Variants in ZMYM2 observed in about 807,000 individuals in gnomAD.
ZMYM2 encodes the protein zinc finger MYM-type containing 2.
A neutral mutation model predicts 162.8 loss-of-function variants in ZMYM2; 56 were observed. The ratio of observed to expected loss-of-function variants is 0.34; its 90% CI spans 0.28 to 0.43. ZMYM2 has a LOEUF of 0.43. ZMYM2 is among the 20% of genes least tolerant of loss of function. ZMYM2 has a pLI of 1.00. For missense variants in ZMYM2, 1,275 were observed against 1,621.8 expected, an observed-to-expected ratio of 0.79 and a Z score of 3.67; for synonymous variants, 510 against 541.6, an observed-to-expected ratio of 0.94 and a Z score of 0.81.
chr13:19,998,277 TA>T (rs1451857401), intron 3 of ZMYM2, among the ~76,000 whole-genome samples: 4 of 152,190 alleles, frequency 2.6e-5, no homozygotes, highest in Non-Finnish European at 4.4e-5. Flanking sequence ...TTTCTATTCC[TA>T]AAAAATTTTT....
chr13:20,032,606 T>C (rs1953287698), intron 10 of ZMYM2, among the ~76,000 whole-genome samples: 1 of 121,370 alleles, frequency 8.2e-6, no homozygotes. Context: ...TGTCTTTTTT[T>C]TTTTTTTTTT....
intron 6 of ZMYM2, among the ~76,000 whole-genome samples, chr13:20,012,867 T>G (rs1316053309): frequency 6.6e-6 from 1 of 152,244 alleles, no homozygotes; most frequent in Non-Finnish European, 1.5e-5. Flanking sequence ...TGTATCTTTG[T>G]AGTAAGTTTT....
the ZMYM2 span, among the ~76,000 whole-genome samples, chr13:19,941,020 A>G: frequency 2.6e-5 from 4 of 152,202 alleles, no homozygotes; most frequent in Non-Finnish European, 5.9e-5. Context: ...TAGTTAAGAC[A>G]AAAACTTGGC....
At chr13:19,880,590 G>A in the ZMYM2 span, among the ~76,000 whole-genome samples, 3 of 151,224 alleles carry the variant, frequency 2.0e-5, no homozygotes, top group Non-Finnish European at 3.0e-5. Flanking sequence ...CGCCACGCCC[G>A]GCTAATTTTT....
the ZMYM2 span, among the ~76,000 whole-genome samples, chr13:19,877,543 G>A: frequency 1.3e-5 from 2 of 152,196 alleles, no homozygotes; most frequent in African/African-American, 4.8e-5. Flanking sequence ...CTTCCCACTA[G>A]GCTCTGTCTT....
intron 6 of ZMYM2, among the ~76,000 whole-genome samples, chr13:20,011,969 C>G (rs1258703875): frequency 6.6e-6 from 1 of 152,066 alleles, no homozygotes; most frequent in Non-Finnish European, 1.5e-5. Flanking sequence ...AAGCTGGTTT[C>G]AAACTCCTGA....
At chr13:19,884,398 A>AC in the ZMYM2 span, among the ~76,000 whole-genome samples, 1 of 151,864 alleles carries the variant, frequency 6.6e-6, no homozygotes, top group Non-Finnish European at 1.5e-5. Flanking sequence ...ACACAGTATA[A>AC]CCCCCATCTA....
At chr13:20,027,098 AAT>A (rs1241562955) in intron 8 of ZMYM2, 103 bp from the exon 9 acceptor site, 2 of 775,784 alleles carry the variant, frequency 2.6e-6, no homozygotes, top group African/African-American at 1.8e-5. Flanking sequence ...TGCAAATAAT[AAT>A]AGTTTATTTT....
chr13:20,012,078 G>T (rs1951242894), intron 6 of ZMYM2, among the ~76,000 whole-genome samples: 1 of 151,942 alleles, frequency 6.6e-6, no homozygotes, highest in African/African-American at 2.4e-5. Flanking sequence ...TAGAGATGGG[G>T]TTCCACCATG....
At chr13:19,904,345 T>A in the ZMYM2 span, among the ~76,000 whole-genome samples, 1 of 151,676 alleles carries the variant, frequency 6.6e-6, no homozygotes, top group East Asian at 1.9e-4. Context: ...TCACATGAGG[T>A]CCGGAGTTCG....
chr13:19,941,712 GCTTT>G, the ZMYM2 span, among the ~76,000 whole-genome samples: 1 of 127,236 alleles, frequency 7.9e-6, no homozygotes, highest in Non-Finnish European at 1.6e-5. Context: ...CGGGCAAATG[GCTTT>G]CTGCTTTTTT....
intron 3 of ZMYM2, among the ~76,000 whole-genome samples, chr13:19,997,889 A>G (rs1950134005): frequency 6.6e-6 from 1 of 152,084 alleles, no homozygotes; most frequent in Non-Finnish European, 1.5e-5. Context: ...AAATTTGTCT[A>G]TTTTGTATTT....
At chr13:20,081,324 A>G (rs528629399) in intron 21 of ZMYM2, among the ~76,000 whole-genome samples, 1 of 152,158 alleles carries the variant, frequency 6.6e-6, no homozygotes, top group Non-Finnish European at 1.5e-5. Flanking sequence ...CTTGCCTTCC[A>G]TTCTTTGTGC....
At chr13:19,986,167 A>G (rs1479825589) in intron 2 of ZMYM2, among the ~76,000 whole-genome samples, 1 of 151,908 alleles carries the variant, frequency 6.6e-6, no homozygotes, top group East Asian at 1.9e-4. Flanking sequence ...ACTGCTCTCC[A>G]GCCTAGGCAA....
chr13:19,918,153 C>A, the ZMYM2 span, among the ~76,000 whole-genome samples: 1 of 152,190 alleles, frequency 6.6e-6, no homozygotes, highest in South Asian at 2.1e-4. Flanking sequence ...AATTTTAAAA[C>A]CTTTTTATTG....
chr13:19,984,288 A>G (rs2139562742), intron 2 of ZMYM2, among the ~76,000 whole-genome samples: 1 of 152,300 alleles, frequency 6.6e-6, no homozygotes, highest in Middle Eastern at 3.4e-3. Flanking sequence ...ATTAATTCTC[A>G]CTGAATCAAA....
the ZMYM2 span, among the ~76,000 whole-genome samples, chr13:19,889,879 G>A: frequency 1.3e-5 from 2 of 151,374 alleles, no homozygotes; most frequent in African/African-American, 4.9e-5. Context: ...TAGCTATTGA[G>A]CAGTCATTGT....
chr13:20,035,906 A>G (rs555562954), intron 11 of ZMYM2, among the ~76,000 whole-genome samples: 1 of 152,330 alleles, frequency 6.6e-6, no homozygotes, highest in South Asian at 2.1e-4. Context: ...TCAAGGTAAC[A>G]GAAGTCATAG....
rs1277095924 is a variant in ZMYM2, at chr13:20,086,487, G to C, written c.*473G>C. On this transcript the variant is annotated 3_prime_UTR_variant, in exon 25 of 25. Coordinates refer to ENST00000610343, the MANE Select transcript of ZMYM2 (RefSeq NM_197968.4). ...TTTAAAATAAACTGTAAACTAATAG[G>C]CTGGGGTTTTTGTTTTGTTTTGGGG... 1 of 219,392 alleles carries C rather than the reference G, an allele frequency of 4.6e-6. No individual in the cohort carries two copies. Among genetic ancestry groups the C allele is most frequent in the Non-Finnish European group, 9.2e-6 (1 of 109,182 alleles). 13.6% of individuals were successfully genotyped at this position (219,392 alleles called of 1,614,324 possible).
Sources: allele counts gnomAD v4.1 joint callset (sites outside exome capture counted in the v4.1 genomes callset), GRCh38; gene constraint gnomAD v4.1.1; transcripts MANE v1.5; gene names NCBI Gene and HGNC (gene_info 2026-07-23, HGNC 2026-07-21).